ZRANB3: variants seen among roughly 807,000 people sequenced by gnomAD.
ZRANB3 encodes the protein DNA annealing helicase and endonuclease ZRANB3.
Under a neutral mutation model 133.8 loss-of-function variants are expected in ZRANB3, and 125 were observed. That is an observed-to-expected ratio of 0.93 (90% CI 0.81 to 1.08). The LOEUF (loss-of-function observed/expected upper bound fraction) is 1.08, where lower values mean the gene tolerates loss of function less well. Ranked by LOEUF, ZRANB3 falls within the 50% of genes least tolerant of loss-of-function variation. ZRANB3 has a pLI of 0.00. For missense variants in ZRANB3, 1,229 were observed against 1,275.5 expected, an observed-to-expected ratio of 0.96 and a Z score of 0.56; for synonymous variants, 387 against 432.7, an observed-to-expected ratio of 0.89 and a Z score of 1.31.
intron 2 of ZRANB3, among the ~76,000 whole-genome samples, chr2:135,395,911 A>G (rs1687467932): frequency 6.6e-6 from 1 of 152,208 alleles, no homozygotes; most frequent in African/African-American, 2.4e-5. Flanking sequence ...ATATTTGCAA[A>G]CTATCCATCT....
At chr2:135,298,468 G>A (rs961589279) in intron 8 of ZRANB3, among the ~76,000 whole-genome samples, 1 of 152,024 alleles carries the variant, frequency 6.6e-6, no homozygotes, top group East Asian at 1.9e-4. Flanking sequence ...GAAAGATCTG[G>A]GGCTCAAGGG....
chr2:135,264,267 T>C (rs1285774233), intron 12 of ZRANB3, among the ~76,000 whole-genome samples: 1 of 151,058 alleles, frequency 6.6e-6, no homozygotes, highest in Non-Finnish European at 1.5e-5. Flanking sequence ...GGTCAGGAGT[T>C]CGAGACCAGC....
intron 2 of ZRANB3, among the ~76,000 whole-genome samples, chr2:135,469,882 G>A (rs1364036705): frequency 6.6e-6 from 1 of 151,512 alleles, no homozygotes; most frequent in African/African-American, 2.4e-5. Context: ...CGTGGTGGCG[G>A]GCGCCTGTAG....
intron 8 of ZRANB3, among the ~76,000 whole-genome samples, chr2:135,309,948 T>A (rs1052064629): frequency 2.0e-5 from 3 of 152,186 alleles, no homozygotes; most frequent in South Asian, 2.1e-4. Context: ...TATTTATTTA[T>A]TTTTTGGAGA....
At chr2:135,463,980 T>C (rs1179574919) in intron 2 of ZRANB3, among the ~76,000 whole-genome samples, 1 of 152,160 alleles carries the variant, frequency 6.6e-6, no homozygotes. Context: ...GTATCGTCTG[T>C]GGAAGACACA....
At chr2:135,445,390 G>A (rs1486601036) in intron 2 of ZRANB3, among the ~76,000 whole-genome samples, 3 of 151,912 alleles carry the variant, frequency 2.0e-5, no homozygotes, top group Non-Finnish European at 4.4e-5. Context: ...GTTGCAGTGA[G>A]CCAAGATGGC....
intron 2 of ZRANB3, among the ~76,000 whole-genome samples, chr2:135,409,686 T>A (rs1688216289): frequency 6.6e-6 from 1 of 152,180 alleles, no homozygotes; most frequent in South Asian, 2.1e-4. Context: ...ACTCGAATTA[T>A]CTTTTTGCAC....
chr2:135,438,942 G>C (rs1689666186), intron 2 of ZRANB3, among the ~76,000 whole-genome samples: 1 of 152,122 alleles, frequency 6.6e-6, no homozygotes, highest in Non-Finnish European at 1.5e-5. Flanking sequence ...GGCTGATACA[G>C]GCTGAGTCAG....
At chr2:135,432,819 T>C (rs542468085) in intron 2 of ZRANB3, among the ~76,000 whole-genome samples, 1 of 152,306 alleles carries the variant, frequency 6.6e-6, no homozygotes, top group African/African-American at 2.4e-5. Flanking sequence ...CTGTCTTAAA[T>C]AGGAGGCCAA....
intron 2 of ZRANB3, among the ~76,000 whole-genome samples, chr2:135,416,020 T>C (rs1403873045): frequency 6.6e-6 from 1 of 151,966 alleles, no homozygotes; most frequent in Non-Finnish European, 1.5e-5. Context: ...GGGCAAAAAC[T>C]GGAAGCATTC....
At chr2:135,474,595 A>C (rs972689396) in intron 2 of ZRANB3, among the ~76,000 whole-genome samples, 1 of 152,132 alleles carries the variant, frequency 6.6e-6, no homozygotes, top group African/African-American at 2.4e-5. Context: ...TTCCACCATG[A>C]GTAAAAGCTT....
intron 3 of ZRANB3, among the ~76,000 whole-genome samples, chr2:135,389,666 T>C (rs1003821193): frequency 2.6e-5 from 4 of 151,690 alleles, no homozygotes; most frequent in South Asian, 4.2e-4. Context: ...GATCGTGCCA[T>C]TGCACTGCAG....
intron 2 of ZRANB3, among the ~76,000 whole-genome samples, chr2:135,477,640 A>G (rs1691562420): frequency 6.6e-6 from 1 of 152,176 alleles, no homozygotes. Flanking sequence ...AGATCTTTTA[A>G]GTTGAATCAT....
intron 2 of ZRANB3, among the ~76,000 whole-genome samples, chr2:135,418,228 A>C (rs1307318126): frequency 6.6e-6 from 1 of 152,230 alleles, no homozygotes; most frequent in Non-Finnish European, 1.5e-5. Flanking sequence ...TCTAGAGATA[A>C]TTTAAAGTAT....
intron 2 of ZRANB3, among the ~76,000 whole-genome samples, chr2:135,414,903 C>T (rs2104959679): frequency 6.6e-6 from 1 of 152,002 alleles, no homozygotes; most frequent in Admixed American, 6.6e-5. Flanking sequence ...TCTTTGAAAC[C>T]AACGGGAACA....
At chr2:135,507,130 G>A (rs1251710489) in intron 1 of ZRANB3, among the ~76,000 whole-genome samples, 1 of 152,250 alleles carries the variant, frequency 6.6e-6, no homozygotes, top group Non-Finnish European at 1.5e-5. Context: ...AGCATCTGCT[G>A]ATGCGGTACA....
At chr2:135,225,829 T>C (rs1694738761) in intron 14 of ZRANB3, among the ~76,000 whole-genome samples, 1 of 152,176 alleles carries the variant, frequency 6.6e-6, no homozygotes, top group Non-Finnish European at 1.5e-5. Context: ...TCTTATTTTC[T>C]TGTAAAGGAA....
At chr2:135,407,761 G>C (rs1323870968) in intron 2 of ZRANB3, among the ~76,000 whole-genome samples, 5 of 149,740 alleles carry the variant, frequency 3.3e-5, no homozygotes, top group Non-Finnish European at 2.9e-5. Context: ...GGGAAAACTG[G>C]CTAGCCATAT....
chr2:135,418,610 C>G (rs1299387845), intron 2 of ZRANB3, among the ~76,000 whole-genome samples: 1 of 152,080 alleles, frequency 6.6e-6, no homozygotes, highest in Non-Finnish European at 1.5e-5. Flanking sequence ...ACATTTAGGA[C>G]TTATATATGG....
Sources: gnomAD v4.1 joint callset for allele counts (sites outside exome capture counted in the v4.1 genomes callset) on GRCh38, gnomAD v4.1.1 for gene constraint, MANE v1.5 for transcripts, NCBI Gene and HGNC (gene_info 2026-07-23, HGNC 2026-07-21) for gene names.